Variants in LMO7 observed in about 807,000 individuals in gnomAD.
LMO7 encodes LIM domain only protein 7.
In LMO7, 120 loss-of-function variants were observed where a neutral mutation model predicts 206.5. The observed-to-expected ratio is 0.58, with a 90% CI of 0.50 to 0.68. The LOEUF (loss-of-function observed/expected upper bound fraction) is 0.68, where lower values mean the gene tolerates loss of function less well. Among genes scored for constraint, LMO7 ranks in the 30% least tolerant of loss-of-function variants. The pLI is 0.00. For missense variants in LMO7, 1,959 were observed against 1,957.9 expected, an observed-to-expected ratio of 1.00 and a Z score of -0.01; for synonymous variants, 706 against 681.5, an observed-to-expected ratio of 1.04 and a Z score of -0.56.
chr13:75,751,716 T>C (rs576063239), intron 3 of LMO7, among the ~76,000 whole-genome samples: 2 of 152,324 alleles, frequency 1.3e-5, no homozygotes, highest in South Asian at 4.1e-4. Context: ...ACCTTGTCTC[T>C]ATTTTTACAC....
chr13:75,719,403 G>T lies in LMO7; in HGVS notation c.140+6151G>T, dbSNP rs199813528. On this transcript the variant is annotated intron_variant, in intron 2 of 30. Coordinates refer to ENST00000377534, the MANE Select transcript of LMO7 (RefSeq NM_001306080.2). ...AGTTATGGCAATTATGAATAAAACT[G>T]CTATGAACATCCATGATATGGTTTG... Among the ~76,000 whole-genome samples, 8 of 152,120 alleles carry T rather than the reference G, an allele frequency of 5.3e-5. No homozygotes were observed. In the East Asian group the frequency reaches 9.6e-4, roughly 18 times the overall value.
At chr13:75,711,405 T>A (rs1416642495) in intron 1 of LMO7, among the ~76,000 whole-genome samples, 1 of 152,206 alleles carries the variant, frequency 6.6e-6, no homozygotes, top group African/African-American at 2.4e-5. Context: ...TCTGGTAGTA[T>A]TTGGCTGTGA....
At chr13:75,667,832 A>G (rs2039207054) in intron 1 of LMO7, among the ~76,000 whole-genome samples, 1 of 152,182 alleles carries the variant, frequency 6.6e-6, no homozygotes, top group South Asian at 2.1e-4. Context: ...TTTGGATTAT[A>G]TCCTGGACAT....
At chr13:75,634,483 G>A (rs929431231), upstream of LMO7, among the ~76,000 whole-genome samples, 1 of 152,082 alleles carries the variant, frequency 6.6e-6, no homozygotes, top group South Asian at 2.1e-4. Context: ...GCTCACGCCT[G>A]TAATCAAAGC....
chr13:75,654,764 C>T (rs1314119721), intron 1 of LMO7, among the ~76,000 whole-genome samples: 1 of 151,774 alleles, frequency 6.6e-6, no homozygotes, highest in Middle Eastern at 3.2e-3. Flanking sequence ...TTTTTCTCCT[C>T]TTCATCTTCT....
Position 75,856,614 on chromosome 13 carries a change from A to G in LMO7, c.4873+6A>G. 4 of 1,546,732 alleles carry G rather than the reference A, an allele frequency of 2.6e-6. No homozygotes were observed. Among genetic ancestry groups the G allele is most frequent in the Non-Finnish European group, 3.6e-6 (4 of 1,118,704 alleles). On this transcript the variant is annotated splice_donor_region_variant and intron_variant, in intron 30 of 30. Coordinates refer to ENST00000377534, the MANE Select transcript of LMO7 (RefSeq NM_001306080.2). ...CTGCTATCTCAGATTCAAATGTAAG[A>G]GAGCAAATCAGAGAGAAAATTTCTT...
At chr13:75,806,173 C>G in intron 9 of LMO7, 1 of 994,818 alleles carries the variant, frequency 1.0e-6, no homozygotes, top group Non-Finnish European at 1.2e-6. Context: ...AAGACCTTCA[C>G]TCTTGCTGGA....
At chr13:75,731,987 C>G (rs1353574070) in intron 3 of LMO7, among the ~76,000 whole-genome samples, 2 of 152,244 alleles carry the variant, frequency 1.3e-5, no homozygotes, top group East Asian at 1.9e-4. Flanking sequence ...TTTCTGCTGA[C>G]AGATCCGCTG....
At chr13:75,711,571 G>A (rs1015082107) in intron 1 of LMO7, among the ~76,000 whole-genome samples, 19 of 152,198 alleles carry the variant, frequency 1.2e-4, no homozygotes, top group African/African-American at 4.1e-4. Context: ...CTTCCTGGGC[G>A]AGACGATGCC....
intron 3 of LMO7, among the ~76,000 whole-genome samples, chr13:75,753,152 T>C (rs1047745764): frequency 6.6e-6 from 1 of 152,218 alleles, no homozygotes. Flanking sequence ...GATATAGTGG[T>C]TTTAATTTGC....
chr13:75,819,461 A>C lies in LMO7; in HGVS notation c.2133A>C (p.Arg711Ser), dbSNP rs772389981. ...ATCTGCAGAAGAAAAAAGAAGAGAG[A>C]GAAGAAATTGAAAAGCAGGCACTTG... Reference protein sequence around the residue: ...TSDLQKKKEEREEIEKQALEK... With the variant: ...TSDLQKKKEESEEIEKQALEK... The change falls in exon 13 of 31, where the codon AGA becomes AGC. Residue 711 changes from arginine (R) to serine (S), a missense_variant. Coordinates refer to ENST00000377534, the MANE Select transcript of LMO7 (RefSeq NM_001306080.2). 4.6e-5 allele frequency: 74 copies of C among 1,613,268 alleles called. No individual in the cohort carries two copies. Among genetic ancestry groups the C allele is most frequent in the Non-Finnish European group, 6.0e-5 (71 of 1,179,840 alleles).
intron 4 of LMO7, among the ~76,000 whole-genome samples, chr13:75,784,490 T>C (rs1297574784): frequency 1.3e-5 from 2 of 152,214 alleles, no homozygotes; most frequent in African/African-American, 2.4e-5. Flanking sequence ...AATAATTTAT[T>C]TTTAAGTAAT....
At chr13:75,713,510 A>G (rs2043285118) in intron 2 of LMO7, among the ~76,000 whole-genome samples, 1 of 152,186 alleles carries the variant, frequency 6.6e-6, no homozygotes, top group Non-Finnish European at 1.5e-5. Context: ...ATTCTATTGC[A>G]TGGTGGGCCA....
At chr13:75,815,246 G>A (rs567434097) in intron 11 of LMO7, among the ~76,000 whole-genome samples, 32 of 152,274 alleles carry the variant, frequency 2.1e-4, no homozygotes, top group African/African-American at 7.2e-4. Flanking sequence ...TGTGATTACT[G>A]TGATAATTGT....
At chr13:75,698,009 A>G (rs938842332) in intron 1 of LMO7, among the ~76,000 whole-genome samples, 1 of 152,194 alleles carries the variant, frequency 6.6e-6, no homozygotes, top group African/African-American at 2.4e-5. Flanking sequence ...AACCCATTTA[A>G]TGTGGCCCTC....
rs117847336 is a variant in LMO7, at chr13:75,779,720, G to A, written c.318-15681G>A. ...ATGTAAATGGAAAAATTGACATAAC[G>A]CATCCCATTGACTTTCTGAAGACAA... On this transcript the variant is annotated intron_variant, in intron 4 of 30. Coordinates refer to ENST00000377534, the MANE Select transcript of LMO7 (RefSeq NM_001306080.2). Among the ~76,000 whole-genome samples, 350 of 152,180 alleles carry A rather than the reference G, an allele frequency of 2.3e-3. 10 individuals carry two copies. In the East Asian group the frequency reaches 0.057, roughly 25 times the overall value.
In LMO7 at chr13:75,821,408, T is replaced by C; in HGVS notation, c.2439T>C (p.Ser813=). 1.2e-6 allele frequency: 2 copies of C among 1,614,170 alleles called. No homozygotes were observed. The highest frequency in any genetic ancestry group is 4.5e-5 in the East Asian group (2 of 44,872). ...DRVTTEIQLP[S]QSPVEEQSPA... ...TAACAACTGAAATTCAGCTTCCTTC[T>C]CAAAGTCCTGTGGAAGAACAAAGCC... Residue 813 remains serine (S), a synonymous_variant, in exon 14 of 31, where the codon TCT becomes TCC. Transcript: ENST00000377534.
At chr13:75,734,591 A>T (rs2045611426) in intron 3 of LMO7, among the ~76,000 whole-genome samples, 1 of 152,222 alleles carries the variant, frequency 6.6e-6, no homozygotes. Context: ...ATGTCATTAA[A>T]TTCTTGATAA....
intron 4 of LMO7, among the ~76,000 whole-genome samples, chr13:75,786,751 C>G (rs1189263985): frequency 6.6e-6 from 1 of 152,168 alleles, no homozygotes; most frequent in Non-Finnish European, 1.5e-5. Context: ...TCTGTGCTGA[C>G]AACTCCACTA....
Sources: allele counts gnomAD v4.1 joint callset (sites outside exome capture counted in the v4.1 genomes callset), GRCh38; gene constraint gnomAD v4.1.1; transcripts MANE v1.5; gene names NCBI Gene and HGNC (gene_info 2026-07-23, HGNC 2026-07-21).